SUGCT: variants seen among roughly 807,000 people sequenced by gnomAD.
SUGCT encodes succinyl-CoA:glutarate CoA-transferase.
SUGCT carries 41 observed loss-of-function variants against 55.0 expected under a neutral mutation model. That is an observed-to-expected ratio of 0.74 (90% confidence interval 0.58 to 0.97). The LOEUF (loss-of-function observed/expected upper bound fraction) is 0.97, where lower values mean the gene tolerates loss of function less well. Ranked by LOEUF, SUGCT falls within the 50% of genes least tolerant of loss-of-function variation. SUGCT has a pLI of 0.00. For synonymous variants in SUGCT, 187 were observed against 200.4 expected, an observed-to-expected ratio of 0.93 and a Z score of 0.56; for missense variants, 568 against 547.8, an observed-to-expected ratio of 1.04 and a Z score of -0.37.
At chr7:40,804,058 A>G (rs1790960472) in intron 13 of SUGCT, among the ~76,000 whole-genome samples, 2 of 152,200 alleles carry the variant, frequency 1.3e-5, no homozygotes, top group Non-Finnish European at 2.9e-5. Context: ...TTGAGATGAT[A>G]GTATTTTATT....
the SUGCT span, among the ~76,000 whole-genome samples, chr7:40,997,311 G>A: frequency 3.3e-5 from 5 of 152,100 alleles, no homozygotes; most frequent in African/African-American, 9.7e-5. Context: ...ACTGATGCAG[G>A]TCCTGCCATC....
At position 40,725,148 on chromosome 7, in the gene SUGCT, C is replaced by G. The variant is rs146097328; in HGVS notation, c.1090-24286C>G. ...TAACACATATGGTAGTGTTCTCAAG[C>G]GGTTATAGAATGTAGAATTTTGCTA... On this transcript the variant is annotated intron_variant, in intron 12 of 13. Coordinates refer to ENST00000335693, the MANE Select transcript of SUGCT (RefSeq NM_001193313.2). Among the ~76,000 whole-genome samples the G allele has an allele frequency of 8.9e-3, 1,350 of 152,128 alleles. 14 individuals carry two copies. The highest frequency in any genetic ancestry group is 0.031 in the African/African-American group (1,270 of 41,478).
chr7:41,010,540 A>G, the SUGCT span, among the ~76,000 whole-genome samples: 1 of 152,208 alleles, frequency 6.6e-6, no homozygotes, highest in Non-Finnish European at 1.5e-5. Flanking sequence ...GTTCTGAAAA[A>G]CAAGAAGCAC....
At chr7:40,759,450 A>G (rs1788427023) in intron 13 of SUGCT, among the ~76,000 whole-genome samples, 1 of 152,200 alleles carries the variant, frequency 6.6e-6, no homozygotes, top group African/African-American at 2.4e-5. Flanking sequence ...CTCTGGGACA[A>G]TTCAGTAAAC....
At chr7:40,984,643 T>A in the SUGCT span, among the ~76,000 whole-genome samples, 1 of 152,158 alleles carries the variant, frequency 6.6e-6, no homozygotes, top group East Asian at 1.9e-4. Flanking sequence ...ACTCCTTCCA[T>A]CTGTGATGTT....
At chr7:40,763,359 G>A (rs2128722111) in intron 13 of SUGCT, among the ~76,000 whole-genome samples, 1 of 152,158 alleles carries the variant, frequency 6.6e-6, no homozygotes, top group South Asian at 2.1e-4. Flanking sequence ...AATAGCCCGA[G>A]GAAGGTCACA....
At chr7:40,635,240 CGCACCACT>C (rs1554391903) in intron 12 of SUGCT, among the ~76,000 whole-genome samples, 1 of 151,736 alleles carries the variant, frequency 6.6e-6, no homozygotes, top group Non-Finnish European at 1.5e-5. Flanking sequence ...GAGCCAAGAT[CGCACCACT>C]GCACTCCAGC....
chr7:40,856,177 T>C (rs144216435), intron 13 of SUGCT, among the ~76,000 whole-genome samples: 203 of 152,326 alleles, frequency 1.3e-3, no homozygotes, highest in African/African-American at 4.6e-3. Context: ...TCCATCAACA[T>C]GATCTCATCC....
intron 6 of SUGCT, among the ~76,000 whole-genome samples, chr7:40,209,896 A>T (rs1214513710): frequency 1.3e-5 from 2 of 152,172 alleles, no homozygotes; most frequent in Admixed American, 1.3e-4. Flanking sequence ...CTAGGAAGGC[A>T]CATTTCCCCT....
intron 6 of SUGCT, among the ~76,000 whole-genome samples, chr7:40,227,413 C>G (rs978662331): frequency 3.9e-5 from 6 of 152,032 alleles, no homozygotes; most frequent in African/African-American, 1.4e-4. Context: ...GCCAATCTTA[C>G]TTTGGTGATG....
At chr7:40,839,386 G>A (rs1793161970) in intron 13 of SUGCT, among the ~76,000 whole-genome samples, 1 of 152,068 alleles carries the variant, frequency 6.6e-6, no homozygotes, top group Non-Finnish European at 1.5e-5. Flanking sequence ...GACACTGTAA[G>A]CATGTATCAC....
intron 13 of SUGCT, among the ~76,000 whole-genome samples, chr7:40,820,639 T>A (rs1270415176): frequency 1.3e-5 from 2 of 152,238 alleles, no homozygotes; most frequent in South Asian, 2.1e-4. Flanking sequence ...TTGCTGAAGT[T>A]GCTTATCAGC....
At chr7:40,651,327 A>G (rs113542205) in intron 12 of SUGCT, among the ~76,000 whole-genome samples, 15,929 of 152,160 alleles carry the variant, frequency 0.1, 1,043 homozygotes, top group African/African-American at 0.19. Context: ...TTTAATTTGC[A>G]CTTCTCTAAT....
the SUGCT span, among the ~76,000 whole-genome samples, chr7:40,908,915 A>C: frequency 6.6e-6 from 1 of 152,186 alleles, no homozygotes; most frequent in South Asian, 2.1e-4. Context: ...TGTATATTTA[A>C]ATTTTTTTAA....
the SUGCT span, among the ~76,000 whole-genome samples, chr7:41,010,628 A>G: frequency 1.3e-5 from 2 of 152,154 alleles, no homozygotes; most frequent in South Asian, 4.1e-4. Flanking sequence ...TGGGTGAAGG[A>G]GAGTTTGAAG....
At chr7:40,161,045 T>C (rs1784121536) in intron 1 of SUGCT, among the ~76,000 whole-genome samples, 1 of 152,212 alleles carries the variant, frequency 6.6e-6, no homozygotes, top group Non-Finnish European at 1.5e-5. Context: ...AGCCTACCTC[T>C]GTCTTTGGAA....
chr7:40,545,860 C>A (rs1794960492), intron 12 of SUGCT, among the ~76,000 whole-genome samples: 1 of 152,100 alleles, frequency 6.6e-6, no homozygotes, highest in African/African-American at 2.4e-5. Context: ...ATGAAGATGG[C>A]ATTAATGAAT....
At chr7:40,714,027 T>C (rs1203726) in intron 12 of SUGCT, among the ~76,000 whole-genome samples, 26,304 of 152,134 alleles carry the variant, frequency 0.17, 4,564 homozygotes, top group African/African-American at 0.44. Flanking sequence ...TAGCTAATAT[T>C]AATCATTGAA....
chr7:40,911,926 G>T, the SUGCT span, among the ~76,000 whole-genome samples: 1 of 152,138 alleles, frequency 6.6e-6, no homozygotes, highest in South Asian at 2.1e-4. Context: ...GTGTGCACAG[G>T]TGTCAGCTAA....
Sources: gnomAD v4.1 joint callset for allele counts (sites outside exome capture counted in the v4.1 genomes callset) on GRCh38, gnomAD v4.1.1 for gene constraint, MANE v1.5 for transcripts, NCBI Gene and HGNC (gene_info 2026-07-23, HGNC 2026-07-21) for gene names.